AP1G1: variants seen among roughly 807,000 people sequenced by gnomAD.
AP1G1 encodes the protein AP-1 complex subunit gamma-1.
Under a neutral mutation model 108.3 loss-of-function variants are expected in AP1G1, and 7 were observed. That is an observed-to-expected ratio of 0.06 (90% CI 0.04 to 0.12). AP1G1 has a LOEUF of 0.12. Ranked by LOEUF, AP1G1 falls within the 10% of genes least tolerant of loss-of-function variation. The pLI is 1.00. For missense variants in AP1G1, 756 were observed against 1,010.7 expected, an observed-to-expected ratio of 0.75 and a Z score of 3.42; for synonymous variants, 379 against 353.5, an observed-to-expected ratio of 1.07 and a Z score of -0.81.
chr16:71,738,387 C>A (rs2045576601), intron 21 of AP1G1, among the ~76,000 whole-genome samples: 1 of 152,092 alleles, frequency 6.6e-6, no homozygotes, highest in African/African-American at 2.4e-5. Context: ...CATAAATGAA[C>A]ATAAATATCC....
chr16:71,748,844 TA>T (rs1293019458), intron 15 of AP1G1, among the ~76,000 whole-genome samples: 1 of 152,124 alleles, frequency 6.6e-6, no homozygotes, highest in African/African-American at 2.4e-5. Flanking sequence ...GACTTGGGCC[TA>T]AAGTGGTTTT....
chr16:71,779,554 T>A (rs2031924277), intron 2 of AP1G1, among the ~76,000 whole-genome samples: 1 of 152,162 alleles, frequency 6.6e-6, no homozygotes, highest in African/African-American at 2.4e-5. Flanking sequence ...TTAACCAGGC[T>A]GGTCTCAAAC....
Position 71,769,642 on chromosome 16 carries a change from A to G in AP1G1, c.623T>C (p.Met208Thr). The G allele has an allele frequency of 1.2e-6, 2 of 1,613,698 alleles. No homozygotes were observed. Among genetic ancestry groups the G allele is most frequent in the Non-Finnish European group, 1.7e-6 (2 of 1,179,684 alleles). ...ACCTACCTTTCTGAAATGCGCAAGC[A>G]TGTCTGGGCTTCGCTCACACATTTC... is the stretch of plus-strand genomic sequence containing the variant. ...LTEMCERSPD[M>T]LAHFRKLVPQ... Residue 208 changes from methionine to threonine, a missense_variant, in exon 6 of 23, where the codon ATG (methionine) becomes ACG (threonine). By Grantham distance (81) the Met-to-Thr change is moderately conservative (BLOSUM62 -1). Coordinates refer to ENST00000299980, the MANE Select transcript of AP1G1 (RefSeq NM_001128.6).
rs368778301 is a variant in AP1G1, at chr16:71,767,819, A to C, written c.642+1804T>G. On this transcript the variant is annotated intron_variant, in intron 6 of 22. Coordinates refer to ENST00000299980, the MANE Select transcript of AP1G1 (RefSeq NM_001128.6). Reference sequence around the variant, plus strand: ...AAGCCACATTTGTGGATCGATACACAAAAGCTACTAAGGACCTAATGCCAG... The same window carrying C: ...AAGCCACATTTGTGGATCGATACACCAAAGCTACTAAGGACCTAATGCCAG... The C allele has an allele frequency of 7.1e-6, 11 of 1,553,756 alleles. No individual in the cohort carries two copies. The African/African-American group carries it at 1.2e-4, about 17-fold the overall frequency.
intron 10 of AP1G1, among the ~76,000 whole-genome samples, chr16:71,760,618 C>T (rs2031040761): frequency 6.6e-6 from 1 of 151,958 alleles, no homozygotes; most frequent in South Asian, 2.1e-4. Context: ...GATCACAGCT[C>T]ACTGCAGCTT....
chr16:71,804,614 A>C (rs1324782030), intron 1 of AP1G1, among the ~76,000 whole-genome samples: 1 of 149,592 alleles, frequency 6.7e-6, no homozygotes, highest in Non-Finnish European at 1.5e-5. Context: ...CATCATGTTG[A>C]CCAGGCTAGT....
chr16:71,754,117 T>C (rs1291259358), intron 12 of AP1G1, among the ~76,000 whole-genome samples: 1 of 151,884 alleles, frequency 6.6e-6, no homozygotes, highest in Non-Finnish European at 1.5e-5. Flanking sequence ...TGGGTGCCTG[T>C]AGTTCAGCTA....
In AP1G1 at chr16:71,756,177, T is replaced by G. The variant is rs1271205407; in HGVS notation, c.1089-18A>C. 6.3e-7 allele frequency: 1 copy of G among 1,597,984 alleles called. No individual in the cohort carries two copies. The highest frequency in any genetic ancestry group is 1.4e-5 in the African/African-American group (1 of 73,830). On this transcript the variant is annotated intron_variant, in intron 11 of 22. Coordinates refer to ENST00000299980, the MANE Select transcript of AP1G1 (RefSeq NM_001128.6). ...TTGCACGCCTTGCAGAAGGGAAAAATTAAAAACAGTTAAGAAATTTATAGT... is the reference window on the plus strand; with the variant it reads ...TTGCACGCCTTGCAGAAGGGAAAAAGTAAAAACAGTTAAGAAATTTATAGT...
intron 19 of AP1G1, among the ~76,000 whole-genome samples, chr16:71,740,753 A>G (rs887573056): frequency 6.6e-6 from 1 of 152,242 alleles, no homozygotes; most frequent in African/African-American, 2.4e-5. Context: ...GGAATGGCAA[A>G]CACCAATGTT....
In AP1G1 at chr16:71,754,557, G is replaced by A. The variant is rs547536459; in HGVS notation, c.1230-670C>T. ...CATGCCTATAATCCCAGTACTTTGGGACGCCAAGGAGGAAGGAGTGCTTGA... is the reference window on the plus strand; with the variant it reads ...CATGCCTATAATCCCAGTACTTTGGAACGCCAAGGAGGAAGGAGTGCTTGA... On this transcript the variant is annotated intron_variant, in intron 12 of 22. Transcript: ENST00000299980. Among the ~76,000 whole-genome samples the A allele has an allele frequency of 1.6e-4, 25 of 152,292 alleles. 1 individual carries two copies. The South Asian group carries it at 5.0e-3, about 30-fold the overall frequency.
chr16:71,807,800 C>T (rs1418623406), intron 1 of AP1G1: 2 of 1,289,062 alleles, frequency 1.6e-6, no homozygotes, highest in South Asian at 2.5e-5. Flanking sequence ...TTTCTACCTA[C>T]CTCAGATTAA....
intron 9 of AP1G1, among the ~76,000 whole-genome samples, chr16:71,762,124 A>T (rs1029437692): frequency 7.9e-5 from 12 of 152,154 alleles, no homozygotes; most frequent in African/African-American, 2.9e-4. Flanking sequence ...CTCCGTTAAT[A>T]GCAAATTTGC....
At chr16:71,767,500 G>A (rs910699576) in intron 6 of AP1G1, among the ~76,000 whole-genome samples, 4 of 152,162 alleles carry the variant, frequency 2.6e-5, no homozygotes, top group Admixed American at 6.5e-5. Flanking sequence ...ACCCACATGC[G>A]GTTCTAAAAT....
intron 1 of AP1G1, among the ~76,000 whole-genome samples, chr16:71,807,129 CTG>C (rs1392072702): frequency 2.0e-5 from 3 of 152,194 alleles, no homozygotes; most frequent in Non-Finnish European, 4.4e-5. Flanking sequence ...CAGTGAATAA[CTG>C]TGAAATACTT....
intron 2 of AP1G1, among the ~76,000 whole-genome samples, chr16:71,776,824 G>A (rs762907810): frequency 1.3e-5 from 2 of 151,880 alleles, no homozygotes; most frequent in Non-Finnish European, 2.9e-5. Context: ...TACAAAAAAA[G>A]GCAGGCCAGG....
chr16:71,808,070 T>C (rs1183693858), intron 1 of AP1G1: 1 of 1,177,632 alleles, frequency 8.5e-7, no homozygotes, highest in Admixed American at 3.8e-5. Context: ...GGAAACACAA[T>C]CAACCGAACC....
At chr16:71,808,554 G>A (rs775325877) in intron 1 of AP1G1, 13 of 1,287,772 alleles carry the variant, frequency 1.0e-5, no homozygotes, top group African/African-American at 4.6e-5. Flanking sequence ...GGAACCTCCC[G>A]GTCCGAGGCC....
At chr16:71,806,610 G>T in intron 1 of AP1G1, 2 of 904,164 alleles carry the variant, frequency 2.2e-6, no homozygotes, top group Middle Eastern at 2.6e-4. Context: ...CTATGTGATA[G>T]CTCTTCTAAC....
At chr16:71,750,565 C>CCA (rs1359328242) in intron 13 of AP1G1, 7 of 403,148 alleles carry the variant, frequency 1.7e-5, no homozygotes, top group Non-Finnish European at 2.3e-5. Flanking sequence ...CAGGTACATG[C>CCA]CACCACACCT....
Sources: gnomAD v4.1 joint callset for allele counts (sites outside exome capture counted in the v4.1 genomes callset) on GRCh38, gnomAD v4.1.1 for gene constraint, MANE v1.5 for transcripts, NCBI Gene and HGNC (gene_info 2026-07-23, HGNC 2026-07-21) for gene names.